CCSER1: variants seen among roughly 807,000 people sequenced by gnomAD.
CCSER1 encodes serine-rich coiled-coil domain-containing protein 1.
CCSER1 carries 41 observed loss-of-function variants against 82.0 expected under a neutral mutation model. The ratio of observed to expected loss-of-function variants is 0.50; its 90% confidence interval spans 0.39 to 0.65. The LOEUF is 0.65. CCSER1 is among the 30% of genes least tolerant of loss of function. The pLI is 0.00. For synonymous variants in CCSER1, 414 were observed against 383.9 expected (o/e 1.08, Z -0.92); for missense variants, 1,119 against 1,064.2 (o/e 1.05, Z -0.72).
chr4:91,452,302 C>A (rs757238200), intron 10 of CCSER1, among the ~76,000 whole-genome samples: 2 of 151,956 alleles, frequency 1.3e-5, no homozygotes, highest in Non-Finnish European at 2.9e-5. Flanking sequence ...GTAACTCAAG[C>A]CTTTTGAAAA....
chr4:90,191,432 A>G lies in CCSER1; in HGVS notation c.-42+63601A>G, dbSNP rs539016785. On this transcript the variant is annotated intron_variant, in intron 1 of 10. Transcript: ENST00000509176. ...GCCTGGCCCTTTGTTGGTCAAGATC[A>G]TGTAATTTATGCATAAGACAGAAGT... 7.9e-5 allele frequency among the ~76,000 whole-genome samples: 12 copies of G among 152,160 alleles called. No homozygotes were observed. In the South Asian group the frequency reaches 2.3e-3, roughly 29 times the overall value.
intron 10 of CCSER1, among the ~76,000 whole-genome samples, chr4:91,292,891 C>T (rs1436799390): frequency 1.3e-5 from 2 of 151,944 alleles, no homozygotes; most frequent in Non-Finnish European, 1.5e-5. Flanking sequence ...ATGTACCCCT[C>T]TCATTATGAT....
At chr4:90,727,243 G>C (rs1411298755) in intron 7 of CCSER1, 2 of 456,076 alleles carry the variant, frequency 4.4e-6, no homozygotes, top group Non-Finnish European at 8.8e-6. Context: ...CATATGGTCT[G>C]ACACATGCCA....
intron 10 of CCSER1, among the ~76,000 whole-genome samples, chr4:91,409,998 C>T (rs1256617100): frequency 6.6e-6 from 1 of 152,108 alleles, no homozygotes; most frequent in East Asian, 1.9e-4. Context: ...ACAGTAAGTT[C>T]CTTAACTTTA....
intron 9 of CCSER1, among the ~76,000 whole-genome samples, chr4:90,923,709 G>C (rs1187434624): frequency 1.3e-5 from 2 of 152,122 alleles, no homozygotes; most frequent in Non-Finnish European, 2.9e-5. Flanking sequence ...TGTATTTGCA[G>C]ACATGTAGAA....
At chr4:90,563,944 C>G (rs1210689394) in intron 5 of CCSER1, among the ~76,000 whole-genome samples, 1 of 152,114 alleles carries the variant, frequency 6.6e-6, no homozygotes, top group Non-Finnish European at 1.5e-5. Flanking sequence ...TTTACCAACT[C>G]CTTTTAGCCT....
chr4:91,104,067 C>G (rs1725356635), intron 10 of CCSER1, among the ~76,000 whole-genome samples: 1 of 152,058 alleles, frequency 6.6e-6, no homozygotes, highest in African/African-American at 2.4e-5. Flanking sequence ...GCCCTGGTCT[C>G]CTGCAGTACC....
chr4:91,514,025 C>T (rs993602943), intron 10 of CCSER1, among the ~76,000 whole-genome samples: 1 of 151,808 alleles, frequency 6.6e-6, no homozygotes, highest in East Asian at 1.9e-4. Context: ...TCTTGTTTTT[C>T]CATTTCCTCT....
intron 10 of CCSER1, among the ~76,000 whole-genome samples, chr4:91,377,740 G>A (rs1648649869): frequency 6.6e-6 from 1 of 152,156 alleles, no homozygotes; most frequent in African/African-American, 2.4e-5. Flanking sequence ...CTGTGCAGAA[G>A]CTCTTTAGTT....
At chr4:90,515,812 C>A (rs1414358495) in intron 5 of CCSER1, among the ~76,000 whole-genome samples, 1 of 152,110 alleles carries the variant, frequency 6.6e-6, no homozygotes, top group Non-Finnish European at 1.5e-5. Flanking sequence ...AGGATTCAAA[C>A]CCTAGGGTCA....
chr4:91,327,496 C>G (rs1746653682), intron 10 of CCSER1, among the ~76,000 whole-genome samples: 1 of 152,198 alleles, frequency 6.6e-6, no homozygotes, highest in Non-Finnish European at 1.5e-5. Flanking sequence ...AACCATTTTT[C>G]CCTCCTAGGC....
rs530730232 is a variant in CCSER1 at position 90,778,286 on chromosome 4, GA to G, written c.2011-37472del. ...GGCAATTGGAAGACTATGATAGGAA[GA>G]AAATTTAAACTCTATCCTTGTATTC... is the stretch of plus-strand genomic sequence containing the variant. On this transcript the variant is annotated intron_variant, in intron 7 of 10. Transcript: ENST00000509176. Among the ~76,000 whole-genome samples, 69 of 152,194 alleles carry G rather than the reference GA, an allele frequency of 4.5e-4. 1 individual carries two copies. In the East Asian group the frequency reaches 0.011, roughly 24 times the overall value.
intron 3 of CCSER1, among the ~76,000 whole-genome samples, chr4:90,336,846 A>G (rs888956427): frequency 1.4e-4 from 21 of 152,226 alleles, no homozygotes; most frequent in African/African-American, 5.1e-4. Flanking sequence ...AATATACTCA[A>G]TAGCAAATCC....
rs1013265454 is a variant in CCSER1 at position 90,224,966 on chromosome 4, A to G, written c.-41-83278A>G. ...GCAGGCCCTTATCCCTCTCATGTATACAACTTCCCAATCATAAGACAGGCC... is the reference window on the plus strand; with the variant it reads ...GCAGGCCCTTATCCCTCTCATGTATGCAACTTCCCAATCATAAGACAGGCC... On this transcript the variant is annotated intron_variant, in intron 1 of 10. Coordinates refer to ENST00000509176, the MANE Select transcript of CCSER1 (RefSeq NM_001145065.2). 3.9e-5 allele frequency among the ~76,000 whole-genome samples: 6 copies of G among 152,254 alleles called. No individual in the cohort carries two copies. The East Asian group carries it at 9.6e-4, about 24-fold the overall frequency.
At chr4:90,983,499 C>T (rs1290780624) in intron 9 of CCSER1, among the ~76,000 whole-genome samples, 1 of 151,672 alleles carries the variant, frequency 6.6e-6, no homozygotes, top group Non-Finnish European at 1.5e-5. Context: ...TTCGTGGACT[C>T]TCTCCAGATG....
intron 9 of CCSER1, among the ~76,000 whole-genome samples, chr4:91,047,285 C>G (rs1391012970): frequency 6.6e-6 from 1 of 152,048 alleles, no homozygotes; most frequent in Non-Finnish European, 1.5e-5. Flanking sequence ...ATATGTATAA[C>G]ACATACATAT....
At chr4:91,482,338 C>T (rs1757972048) in intron 10 of CCSER1, among the ~76,000 whole-genome samples, 1 of 77,726 alleles carries the variant, frequency 1.3e-5, no homozygotes, top group Non-Finnish European at 2.3e-5. Context: ...GGAAGCGGAG[C>T]TTGCAGTGAG....
At chr4:91,422,046 C>A (rs1370738603) in intron 10 of CCSER1, among the ~76,000 whole-genome samples, 1 of 152,072 alleles carries the variant, frequency 6.6e-6, no homozygotes, top group Admixed American at 6.5e-5. Flanking sequence ...TAACAACCTG[C>A]AAGTGCCTGG....
Position 91,236,951 on chromosome 4 carries a change from G to A in CCSER1, c.2217+150957G>A, listed in dbSNP as rs140582761. Among the ~76,000 whole-genome samples, 320 of 152,238 alleles carry A rather than the reference G, an allele frequency of 2.1e-3. 2 individuals are homozygous for A. Among genetic ancestry groups the A allele is most frequent in the African/African-American group, 7.4e-3 (309 of 41,558 alleles). On this transcript the variant is annotated intron_variant, in intron 10 of 10. Transcript: ENST00000509176. ...ACATGAGCAAGACCAGACATATTAG[G>A]CCCAATTTTGTAGGATATTGAATGT...
Sources: allele counts gnomAD v4.1 joint callset (sites outside exome capture counted in the v4.1 genomes callset), GRCh38; gene constraint gnomAD v4.1.1; transcripts MANE v1.5; gene names NCBI Gene and HGNC (gene_info 2026-07-23, HGNC 2026-07-21).